Variants in SMARCA4 observed in about 807,000 individuals in gnomAD.
SMARCA4 encodes the protein SWI/SNF-related matrix-associated actin-dependent regulator of chromatin subfamily A member 4.
Under a neutral mutation model 193.9 loss-of-function variants are expected in SMARCA4, and 31 were observed. The observed-to-expected ratio is 0.16, with a 90% CI of 0.12 to 0.22. The LOEUF is 0.22. Among genes scored for constraint, SMARCA4 ranks in the 10% least tolerant of loss-of-function variants. The pLI is 1.00. For missense variants in SMARCA4, 1,148 were observed against 2,296.0 expected (o/e 0.50, Z 10.22); for synonymous variants, 942 against 933.1 (o/e 1.01, Z -0.17).
intron 8 of SMARCA4, among the ~76,000 whole-genome samples, chr19:10,993,546 G>T (rs1285275280): frequency 6.6e-6 from 1 of 152,214 alleles, no homozygotes; most frequent in Non-Finnish European, 1.5e-5. Flanking sequence ...AAGCATTTTT[G>T]AGACATTTCA....
chr19:10,989,227 C>T (rs554806792), intron 6 of SMARCA4, 90 bp from the exon 7 acceptor site: 8 of 1,526,032 alleles, frequency 5.2e-6, no homozygotes, highest in East Asian at 2.3e-5. Flanking sequence ...GTGCCTGCCT[C>T]TCTCGAGGGA....
chr19:11,051,638 G>A (rs1600565111), intron 30 of SMARCA4, among the ~76,000 whole-genome samples: 1 of 151,846 alleles, frequency 6.6e-6, no homozygotes, highest in Non-Finnish European at 1.5e-5. Flanking sequence ...CTACAGGCAT[G>A]CACCACCACG....
intron 14 of SMARCA4, 144 bp from the exon 15 acceptor site, chr19:11,010,237 C>A: frequency 1.1e-6 from 1 of 943,636 alleles, no homozygotes; most frequent in Non-Finnish European, 1.7e-6. Flanking sequence ...CTCACACTGT[C>A]CGGCTGCACC....
At chr19:11,029,347 A>G (rs570440591) in intron 24 of SMARCA4, among the ~76,000 whole-genome samples, 6 of 152,118 alleles carry the variant, frequency 3.9e-5, no homozygotes, top group African/African-American at 1.4e-4. Flanking sequence ...CCTTCTGCCT[A>G]CTCCATAAGG....
At chr19:10,989,003 G>A (rs1229951263) in intron 6 of SMARCA4, among the ~76,000 whole-genome samples, 1 of 152,306 alleles carries the variant, frequency 6.6e-6, no homozygotes, top group East Asian at 1.9e-4. Context: ...ACCGCCCTGC[G>A]CCTCATCCAT....
rs1555788051 is a variant in SMARCA4, at chr19:11,041,299, C to A, written c.4171-8C>A. The A allele has an allele frequency of 6.2e-7, 1 of 1,606,946 alleles. No individual in the cohort carries two copies. The highest frequency in any genetic ancestry group is 8.5e-7 in the Non-Finnish European group (1 of 1,177,976). On this transcript the variant is annotated splice_polypyrimidine_tract_variant and splice_region_variant and intron_variant, in intron 29 of 34. Transcript: ENST00000344626. This position sits in a 1 kb window ranked among gnomAD's most constrained non-coding sequence, Gnocchi z 5.6. ...GGCTGTCCTATTTTACTACTATTGA[C>A]CCTGAAGGCCATCGAGGAGGGCACG...
At chr19:10,995,429 T>TG in intron 9 of SMARCA4, 1 of 460,754 alleles carries the variant, frequency 2.2e-6, no homozygotes, top group Non-Finnish European at 4.3e-6. Context: ...CCTGCCTTTG[T>TG]GGGGGCTCCT....
chr19:10,984,249 G>C lies in SMARCA4; in HGVS notation c.98G>C (p.Gly33Ala). Residue 33 changes from glycine (G) to alanine (A), a missense_variant, in exon 2 of 35, where the codon GGT becomes GCT. Physicochemically the swap from Gly to Ala is moderately conservative, Grantham distance 60. Around this residue, in one of 17 missense-constraint regions of SMARCA4, gnomAD observed 201 missense variants for 248.3 expected, o/e 0.81. Coordinates refer to ENST00000344626, the MANE Select transcript of SMARCA4 (RefSeq NM_003072.5). The surrounding 1 kb of genome is among the most constrained non-coding windows in gnomAD (Gnocchi z 4.3). ...GGAGCCATGCTGGGCCCTAGCCCGG[G>C]TCCCTCGCCGGGCTCCGCCCACAGC... ...SPGAMLGPSP[G>A]PSPGSAHSMM... 1 of 1,612,236 alleles carries C rather than the reference G, an allele frequency of 6.2e-7. No homozygotes were observed. Among genetic ancestry groups the C allele is most frequent in the Non-Finnish European group, 8.5e-7 (1 of 1,179,472 alleles).
At chr19:11,014,511 C>T (rs180932336) in intron 16 of SMARCA4, among the ~76,000 whole-genome samples, 91 of 152,318 alleles carry the variant, frequency 6.0e-4, no homozygotes, top group African/African-American at 2.0e-3. Flanking sequence ...ATTGCTACAG[C>T]GTTCCTGCTG....
chr19:10,981,254 C>G (rs542717420), intron 1 of SMARCA4, among the ~76,000 whole-genome samples: 1 of 152,250 alleles, frequency 6.6e-6, no homozygotes, highest in Non-Finnish European at 1.5e-5. Flanking sequence ...CCTCCCCCTG[C>G]CCTGGCCGTG....
rs931331149 is a variant in SMARCA4, at chr19:11,049,243, TCACAGGGGCCCTGGGCCA to T, written c.4424+7688_4424+7705del. Among the ~76,000 whole-genome samples, 12 of 152,124 alleles carry T rather than the reference TCACAGGGGCCCTGGGCCA, an allele frequency of 7.9e-5. No individual in the cohort carries two copies. The East Asian group carries it at 1.7e-3, about 22-fold the overall frequency. ...TGGGGCTGCGCCAGCACCAGGGGCC[TCACAGGGGCCCTGGGCCA>T]CACACCTGCCCTTAGCCAAGGGCGT... On this transcript the variant is annotated intron_variant, in intron 30 of 34. Coordinates refer to ENST00000344626, the MANE Select transcript of SMARCA4 (RefSeq NM_003072.5).
intron 11 of SMARCA4, among the ~76,000 whole-genome samples, chr19:10,998,521 C>T (rs183168365): frequency 4.7e-4 from 65 of 137,116 alleles, no homozygotes; most frequent in African/African-American, 1.5e-3. Flanking sequence ...TTTTTTTTGC[C>T]TGTATCAGTT....
chr19:11,025,369 C>A, intron 21 of SMARCA4, 53 bp from the exon 22 acceptor site: 2 of 1,283,026 alleles, frequency 1.6e-6, no homozygotes, highest in Non-Finnish European at 2.3e-6. Flanking sequence ...ACCAAGCCCA[C>A]CCCACCCCAG....
intron 9 of SMARCA4, chr19:10,995,330 G>A (rs1267415006): frequency 1.9e-6 from 1 of 520,562 alleles, no homozygotes; most frequent in Non-Finnish European, 3.7e-6. Flanking sequence ...AAACATCTCT[G>A]ACCATTTATT....
At chr19:11,052,067 C>A (rs550730881) in intron 30 of SMARCA4, among the ~76,000 whole-genome samples, 1 of 152,046 alleles carries the variant, frequency 6.6e-6, no homozygotes, top group Non-Finnish European at 1.5e-5. Flanking sequence ...TGCACTCCAG[C>A]CTGGGCAACA....
At chr19:10,993,922 G>T (rs935685616) in intron 8 of SMARCA4, among the ~76,000 whole-genome samples, 1 of 152,028 alleles carries the variant, frequency 6.6e-6, no homozygotes, top group African/African-American at 2.4e-5. Context: ...GATTACAGGC[G>T]TGAGCCACCG....
chr19:10,992,126 T>A (rs2086611259), intron 8 of SMARCA4, among the ~76,000 whole-genome samples: 1 of 151,902 alleles, frequency 6.6e-6, no homozygotes. Flanking sequence ...TTTTTTTTTT[T>A]TTTGAGATGG....
At chr19:11,011,080 C>T (rs2088793452) in intron 15 of SMARCA4, 1 of 208,110 alleles carries the variant, frequency 4.8e-6, no homozygotes, top group African/African-American at 2.3e-5. Flanking sequence ...TTCACCTGGG[C>T]CTGACTTGGG....
Position 10,995,036 on chromosome 19 carries a change from C to T in SMARCA4, c.1593+35C>T, listed in dbSNP as rs558841576. ...TGCCTTCTTGACGTGCGCTCTTCTA[C>T]ATGTGTAGCTGGTACTGCGGGCTCC... On this transcript the variant is annotated intron_variant, in intron 9 of 34. Coordinates refer to ENST00000344626, the MANE Select transcript of SMARCA4 (RefSeq NM_003072.5). 5.7e-6 allele frequency: 9 copies of T among 1,572,696 alleles called. No individual in the cohort carries two copies. In the South Asian group the frequency reaches 9.2e-5, roughly 16 times the overall value.
Sources: gnomAD v4.1 joint callset for allele counts (sites outside exome capture counted in the v4.1 genomes callset) on GRCh38, gnomAD v4.1.1 for gene constraint, gnomAD v4.1.1 regional missense constraint, Gnocchi (gnomAD v3.1) non-coding constraint, MANE v1.5 for transcripts, NCBI Gene and HGNC (gene_info 2026-07-23, HGNC 2026-07-21) for gene names.